The following FAM20A variants were observed in gnomAD, a reference collection of about 807,000 sequenced individuals.
The protein encoded by FAM20A is pseudokinase FAM20A.
FAM20A carries 42 observed loss-of-function variants against 52.0 expected under a neutral mutation model. The observed-to-expected ratio is 0.81, with a 90% CI of 0.63 to 1.04. The LOEUF is 1.04. FAM20A is among the 50% of genes least tolerant of loss of function. The probability of loss-of-function intolerance (pLI) is 0.00; values close to 1 mark genes in which losing one functional copy is unlikely to be tolerated. For synonymous variants in FAM20A, 304 were observed against 298.9 expected, an observed-to-expected ratio of 1.02 and a Z score of -0.18; for missense variants, 742 against 712.7, an observed-to-expected ratio of 1.04 and a Z score of -0.47.
intron 1 of FAM20A, among the ~76,000 whole-genome samples, chr17:68,557,061 A>G (rs1435685930): frequency 6.6e-6 from 1 of 152,022 alleles, no homozygotes; most frequent in African/African-American, 2.4e-5. Flanking sequence ...TTAGCCAGGC[A>G]TGATGGTGCA....
At chr17:68,575,712 A>ATATATTT (rs1264886218) in intron 1 of FAM20A, among the ~76,000 whole-genome samples, 1 of 117,464 alleles carries the variant, frequency 8.5e-6, no homozygotes, top group East Asian at 2.2e-4. Context: ...ATTATATATT[A>ATATATTT]TATATTTTAT....
chr17:68,555,420 G>GATCA, intron 2 of FAM20A, 139 bp downstream of exon 2: 1 of 956,232 alleles, frequency 1.0e-6, no homozygotes, highest in Non-Finnish European at 1.7e-6. Flanking sequence ...GAGGGAAAAA[G>GATCA]ATCAATGCAT....
At chr17:68,552,692 T>TTTTTTTG (rs1370567269) in intron 3 of FAM20A, among the ~76,000 whole-genome samples, 1 of 100,816 alleles carries the variant, frequency 9.9e-6, no homozygotes, top group African/African-American at 3.5e-5. Flanking sequence ...TTTTTTTTTT[T>TTTTTTTG]GAGACGGAGT....
Position 68,537,511 on chromosome 17 carries a change from G to A in FAM20A, c.1592C>T (p.Ala531Val), listed in dbSNP as rs2086128598. ...VIVDGPVEQL[A>V]PDSGQANLTS ...CAAGTTAGCCTGGCCAGAGTCTGGG[G>A]CCAACTGTTCCACTGGGCCGTCGAC... Residue 531 changes from alanine (A) to valine (V), a missense_variant, in exon 11 of 11, where the codon GCC (alanine) becomes GTC (valine). Transcript: ENST00000592554. This position sits in a 1 kb window ranked among gnomAD's most constrained non-coding sequence, Gnocchi z 4.2. 1.2e-6 allele frequency: 2 copies of A among 1,613,900 alleles called. No homozygotes were observed. Among genetic ancestry groups the A allele is most frequent in the Non-Finnish European group, 1.7e-6 (2 of 1,179,964 alleles).
chr17:68,568,987 C>G (rs1272141861), intron 1 of FAM20A, among the ~76,000 whole-genome samples: 1 of 151,824 alleles, frequency 6.6e-6, no homozygotes, highest in Non-Finnish European at 1.5e-5. Context: ...AGGTAAGTGT[C>G]TTAGCCACTA....
intron 7 of FAM20A, 47 bp downstream of exon 7, chr17:68,541,936 CTG>C: frequency 2.3e-5 from 36 of 1,580,922 alleles, no homozygotes; most frequent in Non-Finnish European, 3.0e-5. Context: ...GGTACAGGGT[CTG>C]TGGCTACTGT....
chr17:68,540,925 C>T lies in FAM20A; in HGVS notation c.1143G>A (p.Val381=). The change falls in exon 8 of 11, where the codon GTG becomes GTA. Residue 381 remains valine (V), a synonymous_variant. Coordinates refer to ENST00000592554, the MANE Select transcript of FAM20A (RefSeq NM_017565.4). ...WEVNPLYCDT[V]KQIYPYNNSQ... The stretch of plus-strand genomic sequence containing the variant: ...TGTTGTTGTACGGGTAGATCTGTTT[C>T]ACTGTGTCACAGTAAAGGGGATTGA... 1 of 1,599,494 alleles carries T rather than the reference C, an allele frequency of 6.3e-7. No individual in the cohort carries two copies. The highest frequency in any genetic ancestry group is 8.5e-7 in the Non-Finnish European group (1 of 1,172,604).
At chr17:68,585,965 G>C (rs930938003) in intron 1 of FAM20A, among the ~76,000 whole-genome samples, 1 of 152,186 alleles carries the variant, frequency 6.6e-6, no homozygotes, top group African/African-American at 2.4e-5. Flanking sequence ...TCACTACCAG[G>C]AATTACCAGT....
intron 4 of FAM20A, among the ~76,000 whole-genome samples, chr17:68,544,941 T>G (rs1454161241): frequency 6.6e-6 from 1 of 152,256 alleles, no homozygotes; most frequent in African/African-American, 2.4e-5. Flanking sequence ...AGATCAGTGC[T>G]TCTCATACTT....
At position 68,543,741 on chromosome 17, in the gene FAM20A, C is replaced by CA. The variant is rs1491277470; in HGVS notation, c.720-21dup. The CA allele has an allele frequency of 2.5e-6, 4 of 1,603,630 alleles. No individual in the cohort carries two copies. The East Asian group carries it at 8.9e-5, about 36-fold the overall frequency. On this transcript the variant is annotated intron_variant, in intron 4 of 10. Transcript: ENST00000592554. ...TGCTGTCTGGAAGGAAGGAAGGAATCACGCCCTGGACTCAGACTTCAGCTG... is the reference window on the plus strand; with the variant it reads ...TGCTGTCTGGAAGGAAGGAAGGAATCAACGCCCTGGACTCAGACTTCAGCTG...
rs756233713 is a variant in FAM20A, at chr17:68,554,804, A to T, written c.613T>A (p.Leu205Met). The change falls in exon 3 of 11, where the codon TTG (leucine) becomes ATG (methionine). Residue 205 changes from leucine (L) to methionine (M), a missense_variant. Coordinates refer to ENST00000592554, the MANE Select transcript of FAM20A (RefSeq NM_017565.4). Reference protein sequence around the residue: ...SADYSQDEKALLGACDCTQIV... With the variant: ...SADYSQDEKAMLGACDCTQIV... The stretch of plus-strand genomic sequence containing the variant: ...TGGGTGCAGTCACATGCCCCCAGCA[A>T]GGCTTTCTCATCTTGACTGTAATCT... The T allele has an allele frequency of 2.5e-6, 4 of 1,614,148 alleles. No homozygotes were observed. In the Admixed American group the frequency reaches 6.7e-5, roughly 27 times the overall value.
chr17:68,548,222 C>A (rs143325576), intron 4 of FAM20A, among the ~76,000 whole-genome samples: 2 of 152,124 alleles, frequency 1.3e-5, no homozygotes, highest in African/African-American at 4.8e-5. Context: ...AGTGAAACCC[C>A]GTCTCTACTA....
chr17:68,581,359 T>TTTC (rs781179870), intron 1 of FAM20A, among the ~76,000 whole-genome samples: 4 of 113,802 alleles, frequency 3.5e-5, no homozygotes, highest in African/African-American at 1.4e-4. Context: ...TTTTTCTTTC[T>TTTC]TTCTTTCTTT....
At chr17:68,543,773 T>G in intron 4 of FAM20A, 52 bp from the exon 5 acceptor site, 1 of 1,491,570 alleles carries the variant, frequency 6.7e-7, no homozygotes, top group Non-Finnish European at 9.3e-7. Flanking sequence ...GCTGGGAGCC[T>G]GAGAAGAGAG....
chr17:68,598,651 A>T (rs1019233786), intron 1 of FAM20A, among the ~76,000 whole-genome samples: 2 of 152,136 alleles, frequency 1.3e-5, no homozygotes, highest in African/African-American at 4.8e-5. Context: ...ATGGTGTAGA[A>T]ATCAAGCTTA....
chr17:68,582,966 ATT>A (rs71144607), intron 1 of FAM20A, among the ~76,000 whole-genome samples: 132 of 142,460 alleles, frequency 9.3e-4, no homozygotes, highest in Middle Eastern at 7.2e-3. Flanking sequence ...GGCCCAGCTG[ATT>A]TTTTTTTTTT....
intron 1 of FAM20A, among the ~76,000 whole-genome samples, chr17:68,558,827 T>G (rs1000476806): frequency 1.3e-5 from 2 of 152,170 alleles, no homozygotes; most frequent in Non-Finnish European, 2.9e-5. Flanking sequence ...GGCACAATCT[T>G]GGCTCACTGC....
At position 68,546,981 on chromosome 17, in the gene FAM20A, C is replaced by T. The variant is rs144212053; in HGVS notation, c.720-3260G>A. On this transcript the variant is annotated intron_variant, in intron 4 of 10. Coordinates refer to ENST00000592554, the MANE Select transcript of FAM20A (RefSeq NM_017565.4). ...AGCTCTTGAGTGACTAGGTGTATTACCAATGAGCAGTAATATTTTGAAAGG... is the reference window on the plus strand; with the variant it reads ...AGCTCTTGAGTGACTAGGTGTATTATCAATGAGCAGTAATATTTTGAAAGG... 2.6e-5 allele frequency among the ~76,000 whole-genome samples: 4 copies of T among 152,160 alleles called. No individual in the cohort carries two copies. In the East Asian group the frequency reaches 7.7e-4, roughly 29 times the overall value.
At chr17:68,578,531 T>C (rs903199662) in intron 1 of FAM20A, among the ~76,000 whole-genome samples, 8 of 152,260 alleles carry the variant, frequency 5.3e-5, no homozygotes, top group Non-Finnish European at 7.3e-5. Context: ...GGATAATTTA[T>C]TGAGATATTA....
Sources: gnomAD v4.1 joint callset for allele counts (sites outside exome capture counted in the v4.1 genomes callset) on GRCh38, gnomAD v4.1.1 for gene constraint, Gnocchi (gnomAD v3.1) non-coding constraint, MANE v1.5 for transcripts, NCBI Gene and HGNC (gene_info 2026-07-23, HGNC 2026-07-21) for gene names.